The following SHOC1 variants were observed in gnomAD, a reference collection of about 807,000 sequenced individuals.
The protein encoded by SHOC1 is protein shortage in chiasmata 1 ortholog.
Under a neutral mutation model 179.2 loss-of-function variants are expected in SHOC1, and 136 were observed. The observed-to-expected ratio is 0.76, with a 90% CI of 0.66 to 0.87. The LOEUF (loss-of-function observed/expected upper bound fraction) is 0.87. Ranked by LOEUF, SHOC1 falls within the 40% of genes least tolerant of loss-of-function variation. The probability of loss-of-function intolerance (pLI) is 0.00; values close to 1 mark genes in which losing one functional copy is unlikely to be tolerated. For missense variants in SHOC1, 1,538 were observed against 1,700.8 expected, an observed-to-expected ratio of 0.90 and a Z score of 1.68; for synonymous variants, 489 against 586.6, an observed-to-expected ratio of 0.83 and a Z score of 2.41.
intron 1 of SHOC1, among the ~76,000 whole-genome samples, chr9:111,793,820 AGATGATGAT>A (rs200119496): frequency 3.3e-5 from 5 of 151,916 alleles, no homozygotes; most frequent in Middle Eastern, 6.8e-3. Context: ...AGCTTTCCCA[AGATGATGAT>A]GATGATGATG....
chr9:111,749,331 ATCTC>A (rs775678396), intron 8 of SHOC1, among the ~76,000 whole-genome samples: 13 of 152,128 alleles, frequency 8.5e-5, no homozygotes, highest in African/African-American at 3.1e-4. Context: ...CTAAGAATTG[ATCTC>A]TCTTTTAATA....
At chr9:111,698,699 G>A (rs1831822751) in intron 24 of SHOC1, among the ~76,000 whole-genome samples, 1 of 152,132 alleles carries the variant, frequency 6.6e-6, no homozygotes, top group African/African-American at 2.4e-5. Context: ...AACTCTGACA[G>A]CTAGTGGTAA....
At chr9:111,719,828 G>A (rs1832956557) in intron 15 of SHOC1, among the ~76,000 whole-genome samples, 1 of 152,124 alleles carries the variant, frequency 6.6e-6, no homozygotes, top group Non-Finnish European at 1.5e-5. Context: ...CTACATGGAA[G>A]AAGATGAGAT....
chr9:111,742,486 C>T (rs1377480230), intron 10 of SHOC1, among the ~76,000 whole-genome samples: 1 of 137,524 alleles, frequency 7.3e-6, no homozygotes, highest in Non-Finnish European at 1.6e-5. Context: ...TTTAGGGGTA[C>T]TCGGGGGGAG....
At position 111,689,616 on chromosome 9, in the gene SHOC1, T is replaced by TGG. The variant is rs372500932; in HGVS notation, c.4426+1934_4426+1935insCC. Among the ~76,000 whole-genome samples, 1,413 of 151,464 alleles carry TGG rather than the reference T, an allele frequency of 9.3e-3. 19 individuals are homozygous for TGG. Among genetic ancestry groups the TGG allele is most frequent in the African/African-American group, 0.031 (1,289 of 41,364 alleles). ...CTATGGAAAAATAAATTTTTTTTAA[T>TGG]TTAAATAAAATTTGCCATATTGAAT... On this transcript the variant is annotated intron_variant, in intron 27 of 27. Coordinates refer to ENST00000682961, the MANE Select transcript of SHOC1 (RefSeq NM_001378211.1).
chr9:111,764,611 A>T (rs1330801354), intron 5 of SHOC1, among the ~76,000 whole-genome samples: 1 of 152,230 alleles, frequency 6.6e-6, no homozygotes, highest in African/African-American at 2.4e-5. Context: ...GGAACGTGGT[A>T]GTGAGGGTAT....
intron 5 of SHOC1, among the ~76,000 whole-genome samples, chr9:111,775,019 T>A (rs315700): frequency 6.6e-6 from 1 of 151,646 alleles, no homozygotes; most frequent in South Asian, 2.1e-4. Context: ...TTTTTGAGAT[T>A]CAGTCTTGCT....
chr9:111,793,955 G>A (rs1408555152), intron 1 of SHOC1, among the ~76,000 whole-genome samples: 2 of 151,988 alleles, frequency 1.3e-5, no homozygotes, highest in Admixed American at 6.5e-5. Context: ...GGGTTCAAGC[G>A]ATTCTCCTGC....
At position 111,727,930 on chromosome 9, in the gene SHOC1, A is replaced by G; in HGVS notation, c.1537T>C (p.Cys513Arg). ...PSLAKEVPDL[C>R]FSDDYFSDKG... ...TCAGAGAAATAGTCATCAGAAAAAC[A>G]TAGATCTGGTACTTCTTTTGCCAGA... Residue 513 changes from cysteine (C) to arginine (R), a missense_variant, in exon 13 of 28, where the codon TGT becomes CGT. By Grantham distance (180) the Cys-to-Arg change is radical. Transcript: ENST00000682961. The G allele has an allele frequency of 6.2e-7, 1 of 1,613,510 alleles. No homozygotes were observed. The highest frequency in any genetic ancestry group is 8.5e-7 in the Non-Finnish European group (1 of 1,179,728).
At position 111,713,156 on chromosome 9, in the gene SHOC1, C is replaced by T; in HGVS notation, c.2432G>A (p.Arg811Lys). 1.9e-6 allele frequency: 3 copies of T among 1,557,538 alleles called. No individual in the cohort carries two copies. The highest frequency in any genetic ancestry group is 2.3e-5 in the South Asian group (2 of 87,974). ...QQQIKVLIII[R>K]MDSDGEKHFL... ...ATGTTTTTCACCGTCTGAGTCCATT[C>T]TTATTATAATCAGTACCTAGTCAAA... is the stretch of plus-strand genomic sequence containing the variant. Residue 811 changes from arginine (R) to lysine (K), a missense_variant, in exon 18 of 28, where the codon AGA (arginine) becomes AAA (lysine). Transcript: ENST00000682961.
At chr9:111,744,217 A>G (rs151049391) in intron 10 of SHOC1, among the ~76,000 whole-genome samples, 10 of 152,310 alleles carry the variant, frequency 6.6e-5, no homozygotes, top group African/African-American at 2.4e-4. Context: ...GGACTAAATA[A>G]AAGAGTAAAA....
At chr9:111,700,087 A>G in intron 23 of SHOC1, 40 bp from the exon 24 acceptor site, 1 of 991,380 alleles carries the variant, frequency 1.0e-6, no homozygotes, top group Non-Finnish European at 1.5e-6. Context: ...TTCATTTGAT[A>G]TCAGATTATA....
intron 19 of SHOC1, 96 bp from the exon 20 acceptor site, chr9:111,706,842 T>C (rs1832300348): frequency 1.3e-6 from 1 of 796,536 alleles, no homozygotes; most frequent in Admixed American, 2.9e-5. Context: ...GTTCCATCCT[T>C]CTCTAATCTA....
Position 111,701,927 on chromosome 9 carries a change from C to T in SHOC1, c.3089+178G>A, listed in dbSNP as rs144353568. Among the ~76,000 whole-genome samples the T allele has an allele frequency of 2.7e-3, 413 of 152,060 alleles. 2 individuals are homozygous for T. The highest frequency in any genetic ancestry group is 9.5e-3 in the African/African-American group (396 of 41,474). On this transcript the variant is annotated intron_variant, in intron 23 of 27. Coordinates refer to ENST00000682961, the MANE Select transcript of SHOC1 (RefSeq NM_001378211.1). ...GGCTTTCACAGAATGTCCAGGGAAA[C>T]GTATCATCTCCAAAATTCAAATTTG...
At chr9:111,788,687 A>G (rs1181666013) in intron 2 of SHOC1, among the ~76,000 whole-genome samples, 1 of 152,248 alleles carries the variant, frequency 6.6e-6, no homozygotes, top group Non-Finnish European at 1.5e-5. Context: ...ACTAAACAGT[A>G]TAATGTGGAT....
rs148329506 is a variant in SHOC1 at position 111,689,528 on chromosome 9, C to T, written c.4426+2023G>A. On this transcript the variant is annotated intron_variant, in intron 27 of 27. Transcript: ENST00000682961. Reference sequence around the variant, plus strand: ...ATGGCTTTGGATAAATTTTCCAGGGCTGTGCCAATATTAATTCAAAAAGTG... The same window carrying T: ...ATGGCTTTGGATAAATTTTCCAGGGTTGTGCCAATATTAATTCAAAAAGTG... Among the ~76,000 whole-genome samples the T allele has an allele frequency of 3.4e-3, 509 of 151,608 alleles. 3 individuals carry two copies. Among genetic ancestry groups the T allele is most frequent in the African/African-American group, 0.012 (494 of 41,398 alleles).
intron 12 of SHOC1, among the ~76,000 whole-genome samples, chr9:111,730,187 G>T (rs928180297): frequency 6.6e-6 from 1 of 152,112 alleles, no homozygotes; most frequent in South Asian, 2.1e-4. Flanking sequence ...CACCACTAAA[G>T]TCTTGAACCC....
Position 111,686,787 on chromosome 9 carries a change from G to A in SHOC1, c.4510C>T (p.Arg1504Trp), listed in dbSNP as rs547213345. The change falls in exon 28 of 28, where the codon CGG becomes TGG. Residue 1504 changes from arginine to tryptophan, a missense_variant. By Grantham distance (101) the Arg-to-Trp change is moderately radical (BLOSUM62 -3). Transcript: ENST00000682961. ...KVPGRVDGQT[R>W]LRFF ...CTCCTCCTTCAAAAAAACCTCAGCC[G>A]AGTCTGCCCATCAACTCTACCAGGG... 34 of 1,612,414 alleles carry A rather than the reference G, an allele frequency of 2.1e-5. No homozygotes were observed. Among genetic ancestry groups the A allele is most frequent in the Admixed American group, 1.7e-4 (10 of 59,982 alleles).
At chr9:111,759,317 T>C (rs1020248861) in intron 5 of SHOC1, 13 of 1,568,104 alleles carry the variant, frequency 8.3e-6, no homozygotes, top group African/African-American at 2.7e-5. Flanking sequence ...CTACAGTGCC[T>C]ACAAATGAGA....
Sources: gnomAD v4.1 joint callset for allele counts (sites outside exome capture counted in the v4.1 genomes callset) on GRCh38, gnomAD v4.1.1 for gene constraint, MANE v1.5 for transcripts, NCBI Gene and HGNC (gene_info 2026-07-23, HGNC 2026-07-21) for gene names.